ADGRB3: variants seen among roughly 807,000 people sequenced by gnomAD.
The protein encoded by ADGRB3 is adhesion G protein-coupled receptor B3.
A neutral mutation model predicts 193.4 loss-of-function variants in ADGRB3; 37 were observed. The observed-to-expected ratio is 0.19, with a 90% CI of 0.15 to 0.25. ADGRB3 has a LOEUF of 0.25. Among genes scored for constraint, ADGRB3 ranks in the 10% least tolerant of loss-of-function variants. The pLI is 1.00. For missense variants in ADGRB3, 1,637 were observed against 1,852.9 expected, an observed-to-expected ratio of 0.88 and a Z score of 2.14; for synonymous variants, 690 against 644.2, an observed-to-expected ratio of 1.07 and a Z score of -1.08.
At chr6:69,184,059 C>T (rs1765013713) in intron 17 of ADGRB3, among the ~76,000 whole-genome samples, 1 of 152,046 alleles carries the variant, frequency 6.6e-6, no homozygotes, top group Non-Finnish European at 1.5e-5. Flanking sequence ...AAATTTTTAA[C>T]TTTTATAACT....
At chr6:69,204,679 A>AT (rs1765498581) in intron 17 of ADGRB3, among the ~76,000 whole-genome samples, 1 of 152,038 alleles carries the variant, frequency 6.6e-6, no homozygotes, top group Non-Finnish European at 1.5e-5. Flanking sequence ...TCATATTCTT[A>AT]TTTTTTACAA....
rs185184234 is a variant in ADGRB3 at position 68,986,700 on chromosome 6, C to G, written c.1735-7068C>G. 1.8e-4 allele frequency among the ~76,000 whole-genome samples: 28 copies of G among 152,184 alleles called. 1 individual carries two copies. Among genetic ancestry groups the G allele is most frequent in the African/African-American group, 6.7e-4 (28 of 41,530 alleles). On this transcript the variant is annotated intron_variant, in intron 10 of 31. Coordinates refer to ENST00000370598, the MANE Select transcript of ADGRB3 (RefSeq NM_001704.3). ...AGATTGTTGCTTTATGAAAAAAGCT[C>G]TATGTATAATTATCTTTTAATTGAA...
At chr6:68,822,800 G>T (rs1013412711) in intron 3 of ADGRB3, among the ~76,000 whole-genome samples, 3 of 151,836 alleles carry the variant, frequency 2.0e-5, no homozygotes, top group Non-Finnish European at 4.4e-5. Flanking sequence ...TTTTAGATTC[G>T]GGATTCAATG....
intron 17 of ADGRB3, among the ~76,000 whole-genome samples, chr6:69,185,237 A>C (rs1051547939): frequency 1.3e-5 from 2 of 152,228 alleles, no homozygotes; most frequent in African/African-American, 4.8e-5. Flanking sequence ...TCTAACTCTC[A>C]TATTGAAAAA....
chr6:69,014,021 T>C lies in ADGRB3; in HGVS notation c.1930-17T>C. 2 of 1,476,224 alleles carry C rather than the reference T, an allele frequency of 1.4e-6. No individual in the cohort carries two copies. Among genetic ancestry groups the C allele is most frequent in the Non-Finnish European group, 1.9e-6 (2 of 1,074,334 alleles). 91.4% of individuals were successfully genotyped at this position (1,476,224 alleles called of 1,614,324 possible). On this transcript the variant is annotated splice_polypyrimidine_tract_variant and intron_variant, in intron 11 of 31. Coordinates refer to ENST00000370598, the MANE Select transcript of ADGRB3 (RefSeq NM_001704.3). ...CTCTCATGTAATATTAAATCTTTTA[T>C]CTAATTTAATTTACAGAACTTCTTT...
chr6:69,019,319 T>C (rs530706555), intron 13 of ADGRB3, among the ~76,000 whole-genome samples: 13 of 152,030 alleles, frequency 8.6e-5, no homozygotes, highest in Non-Finnish European at 1.9e-4. Context: ...GAAATGTGTT[T>C]AAATAAAGAT....
chr6:68,892,623 A>G (rs1022335126), intron 3 of ADGRB3, among the ~76,000 whole-genome samples: 1 of 152,100 alleles, frequency 6.6e-6, no homozygotes, highest in African/African-American at 2.4e-5. Flanking sequence ...GTGTCTTAAC[A>G]TTTCTCATAC....
Position 69,339,524 on chromosome 6 carries a change from T to C in ADGRB3, c.3459+20T>C, listed in dbSNP as rs763322498. The C allele has an allele frequency of 4.4e-6, 7 of 1,606,134 alleles. No individual in the cohort carries two copies. Among genetic ancestry groups the C allele is most frequent in the African/African-American group, 1.3e-5 (1 of 74,896 alleles). ...AGAGAGGTGAGAAGCATTCTTGTGATAGAGAACAGTGATGGTTGGAATGGT... is the reference window on the plus strand; with the variant it reads ...AGAGAGGTGAGAAGCATTCTTGTGACAGAGAACAGTGATGGTTGGAATGGT... On this transcript the variant is annotated intron_variant, in intron 26 of 31. Transcript: ENST00000370598.
intron 3 of ADGRB3, among the ~76,000 whole-genome samples, chr6:68,688,723 C>T (rs1361836554): frequency 6.6e-6 from 1 of 152,138 alleles, no homozygotes; most frequent in Non-Finnish European, 1.5e-5. Flanking sequence ...TGGGAGTCCT[C>T]TGCAAGGGAA....
chr6:69,320,368 A>G (rs1397226205), intron 20 of ADGRB3, among the ~76,000 whole-genome samples: 1 of 151,262 alleles, frequency 6.6e-6, no homozygotes, highest in African/African-American at 2.4e-5. Flanking sequence ...ATTTTTAACT[A>G]TTATTTTAAG....
chr6:68,941,406 A>T (rs1445277383), intron 5 of ADGRB3, among the ~76,000 whole-genome samples: 2 of 152,162 alleles, frequency 1.3e-5, no homozygotes, highest in Non-Finnish European at 2.9e-5. Flanking sequence ...AGCCATAAAG[A>T]CTGTTAGAAA....
chr6:69,194,421 T>C (rs1765256941), intron 17 of ADGRB3, among the ~76,000 whole-genome samples: 1 of 152,136 alleles, frequency 6.6e-6, no homozygotes, highest in African/African-American at 2.4e-5. Flanking sequence ...CTTCAGATTT[T>C]CCAGAAAATC....
At chr6:69,381,522 A>G (rs1199905918) in intron 30 of ADGRB3, among the ~76,000 whole-genome samples, 1 of 151,954 alleles carries the variant, frequency 6.6e-6, no homozygotes, top group East Asian at 1.9e-4. Context: ...TATTGCCTAG[A>G]TACATATTTA....
intron 5 of ADGRB3, among the ~76,000 whole-genome samples, chr6:68,940,682 C>T (rs1293574758): frequency 6.7e-6 from 1 of 150,292 alleles, no homozygotes; most frequent in South Asian, 2.1e-4. Flanking sequence ...GGAGGATCAC[C>T]TGAAGTAGAG....
intron 3 of ADGRB3, among the ~76,000 whole-genome samples, chr6:68,866,926 A>C (rs1765312235): frequency 6.6e-6 from 1 of 152,364 alleles, no homozygotes. Context: ...AGTCTTATGC[A>C]TTCACAAAGA....
chr6:69,360,339 A>G (rs1238591714), intron 28 of ADGRB3, among the ~76,000 whole-genome samples: 1 of 151,918 alleles, frequency 6.6e-6, no homozygotes, highest in Non-Finnish European at 1.5e-5. Flanking sequence ...AATCCTCATT[A>G]ATTTTCAATA....
intron 4 of ADGRB3, among the ~76,000 whole-genome samples, chr6:68,933,773 C>A (rs1188858242): frequency 6.6e-6 from 1 of 152,150 alleles, no homozygotes; most frequent in Non-Finnish European, 1.5e-5. Flanking sequence ...TTATCGAAGA[C>A]ATTCAAAGAA....
At chr6:68,801,687 C>T (rs1189288279) in intron 3 of ADGRB3, among the ~76,000 whole-genome samples, 2 of 151,842 alleles carry the variant, frequency 1.3e-5, no homozygotes, top group Non-Finnish European at 2.9e-5. Context: ...GAAACTCCAT[C>T]TAAAAAAATA....
chr6:68,838,341 G>A (rs141898248), intron 3 of ADGRB3, among the ~76,000 whole-genome samples: 17 of 152,214 alleles, frequency 1.1e-4, no homozygotes, highest in African/African-American at 3.9e-4. Context: ...TGTAAAACTC[G>A]CAGTAATATA....
Sources: gnomAD v4.1 joint callset for allele counts (sites outside exome capture counted in the v4.1 genomes callset) on GRCh38, gnomAD v4.1.1 for gene constraint, MANE v1.5 for transcripts, NCBI Gene and HGNC (gene_info 2026-07-23, HGNC 2026-07-21) for gene names.